Variants in ANKRD36C observed in about 807,000 individuals in gnomAD.
ANKRD36C encodes ankyrin repeat domain-containing protein 36C.
A neutral mutation model predicts 276.4 loss-of-function variants in ANKRD36C; 61 were observed. That is an observed-to-expected ratio of 0.22 (90% confidence interval 0.18 to 0.27). The LOEUF (loss-of-function observed/expected upper bound fraction) is 0.27. Among genes scored for constraint, ANKRD36C ranks in the 10% least tolerant of loss-of-function variants. The pLI, the probability that ANKRD36C is intolerant of heterozygous loss-of-function variation, is 1.00. For missense variants in ANKRD36C, 1,447 were observed against 2,032.3 expected (o/e 0.71, Z 5.54); for synonymous variants, 483 against 680.1 (o/e 0.71, Z 4.51).
intron 30 of ANKRD36C, among the ~76,000 whole-genome samples, chr2:95,924,366 T>A (rs573394823): frequency 6.6e-6 from 1 of 151,584 alleles, no homozygotes; most frequent in Non-Finnish European, 1.5e-5. Flanking sequence ...TATATAAACC[T>A]CATCAAAAAG....
At chr2:95,935,337 T>C (rs1677685819) in intron 24 of ANKRD36C, 117 bp downstream of exon 24, 1 of 1,114,684 alleles carries the variant, frequency 9.0e-7, no homozygotes, top group Non-Finnish European at 1.2e-6. Flanking sequence ...ATCAGCATCA[T>C]TTAGATCAAA....
chr2:95,889,073 T>C (rs1184926379), intron 48 of ANKRD36C, among the ~76,000 whole-genome samples: 3 of 151,584 alleles, frequency 2.0e-5, no homozygotes, highest in Non-Finnish European at 4.4e-5. Context: ...TATTCGTTTA[T>C]CTCAGTTTTA....
chr2:95,986,198 T>A, intron 3 of ANKRD36C, among the ~76,000 whole-genome samples: 1 of 152,010 alleles, frequency 6.6e-6, no homozygotes, highest in Non-Finnish European at 1.5e-5. Flanking sequence ...GTATTTTCCC[T>A]CATTACCTAA....
At chr2:95,938,661 T>G in intron 22 of ANKRD36C, among the ~76,000 whole-genome samples, 168 bp downstream of exon 22, 1 of 152,312 alleles carries the variant, frequency 6.6e-6, no homozygotes, top group Non-Finnish European at 1.5e-5. Flanking sequence ...ATGTCCGCCT[T>G]ATGCCTTAAA....
chr2:95,944,153 A>G (rs2104469856), intron 19 of ANKRD36C, among the ~76,000 whole-genome samples: 1 of 152,292 alleles, frequency 6.6e-6, no homozygotes, highest in Admixed American at 6.5e-5. Context: ...CTATAATATG[A>G]TATGGAGACA....
chr2:95,947,889 G>A (rs1678095887), intron 17 of ANKRD36C, among the ~76,000 whole-genome samples: 1 of 152,116 alleles, frequency 6.6e-6, no homozygotes, highest in Admixed American at 6.6e-5. Flanking sequence ...CTGGGATTAA[G>A]AAATTCTCCT....
chr2:95,855,752 C>G, exon 63 of ANKRD36C: 1 of 1,613,788 alleles, frequency 6.2e-7, no homozygotes, highest in Non-Finnish European at 8.5e-7. Context: ...TCAAATTTTC[C>G]TGTAAATGAC....
intron 50 of ANKRD36C, among the ~76,000 whole-genome samples, chr2:95,886,844 C>A (rs1676213992): frequency 6.6e-6 from 1 of 151,586 alleles, no homozygotes; most frequent in Non-Finnish European, 1.5e-5. Context: ...AATAATTTGC[C>A]TAAGCTTCTT....
rs535367156 is a variant in ANKRD36C at position 95,946,246 on chromosome 2, T to C, written c.1363-1072A>G. Among the ~76,000 whole-genome samples the C allele has an allele frequency of 3.1e-3, 476 of 151,552 alleles. 3 individuals are homozygous for C. The highest frequency in any genetic ancestry group is 5.0e-3 in the Non-Finnish European group (337 of 67,916). On this transcript the variant is annotated intron_variant, in intron 17 of 66. Coordinates refer to ENST00000456556, the Ensembl canonical transcript of ANKRD36C. ...ATTCAGAATTCGAAAGAGTAATGTA[T>C]GTCCTTGAACAGACACTTCTCAAAA... is the stretch of plus-strand genomic sequence containing the variant.
chr2:95,923,689 A>C, exon 31 of ANKRD36C: 1 of 1,610,414 alleles, frequency 6.2e-7, no homozygotes, highest in Non-Finnish European at 8.5e-7. Flanking sequence ...CTGAGAAGAC[A>C]CTGAAAAGCA....
In ANKRD36C at chr2:95,887,910, G is replaced by A; in HGVS notation, c.3061+15C>T. On this transcript the variant is annotated intron_variant, in intron 50 of 66. Transcript: ENST00000456556. ...CTGGACTGAACATGACATTAAATGT[G>A]TTTTGTGAAATTACCTGTTCCAGAT... 3 of 1,574,088 alleles carry A rather than the reference G, an allele frequency of 1.9e-6. No individual in the cohort carries two copies. Among genetic ancestry groups the A allele is most frequent in the Non-Finnish European group, 2.6e-6 (3 of 1,158,788 alleles).
Position 95,864,189 on chromosome 2 carries a change from G to A in ANKRD36C, c.3682+3251C>T, listed in dbSNP as rs117021231. On this transcript the variant is annotated intron_variant, in intron 60 of 66. Transcript: ENST00000456556. ...AATGAGACTTTAGTAAATTGTATCC[G>A]ACAGTATAATGAAAAGGTAATACAT... Among the ~76,000 whole-genome samples, 244 of 152,110 alleles carry A rather than the reference G, an allele frequency of 1.6e-3. 2 individuals are homozygous for A. The East Asian group carries it at 0.026, about 16-fold the overall frequency.
rs1676249791 is a variant in ANKRD36C, at chr2:95,888,233, T to G, written c.2960-113A>C. The stretch of plus-strand genomic sequence containing the variant: ...TCTTCCTGCCTGTATTAGTATAGGC[T>G]TTGATGTTTTCTACTTTGTGACTGG... On this transcript the variant is annotated intron_variant, in intron 48 of 66. Transcript: ENST00000456556. 11 of 1,536,384 alleles carry G rather than the reference T, an allele frequency of 7.2e-6. No homozygotes were observed. In the East Asian group the frequency reaches 2.6e-4, roughly 36 times the overall value.
chr2:95,855,329 C>T, exon 63 of ANKRD36C: 1 of 1,609,942 alleles, frequency 6.2e-7, no homozygotes, highest in Non-Finnish European at 8.5e-7. Flanking sequence ...TCAATTCATT[C>T]ACCAACATTT....
chr2:95,874,304 C>T (rs532459626), intron 59 of ANKRD36C, among the ~76,000 whole-genome samples: 13 of 152,306 alleles, frequency 8.5e-5, no homozygotes, highest in African/African-American at 2.6e-4. Flanking sequence ...GTAACCAAAA[C>T]AGCATGGTAC....
In ANKRD36C at chr2:95,882,500, G is replaced by A; in HGVS notation, c.3266-3C>T. On this transcript the variant is annotated splice_polypyrimidine_tract_variant and splice_region_variant and intron_variant, in intron 54 of 66. Transcript: ENST00000456556. ...GGCCGATTGTTTCTGAGGAGACACT[G>A]AAAAGTAAAAGAAATATATAATCCA... is the stretch of plus-strand genomic sequence containing the variant. The A allele has an allele frequency of 6.4e-7, 1 of 1,550,768 alleles. No homozygotes were observed. Among genetic ancestry groups the A allele is most frequent in the Non-Finnish European group, 8.7e-7 (1 of 1,148,498 alleles).
In ANKRD36C at chr2:95,857,344, C is replaced by A. The variant is rs549887163; in HGVS notation, c.4045G>T (p.Val1349Leu). ...TTATTTCCTCCTGTCTTCAATTCCA[C>A]CTCTGCTGATTTGAGAGCCGGTTTA... Residue 1349 changes from valine to leucine, a missense_variant, in exon 62 of 67, where the codon GTG becomes TTG. Physicochemically the swap from Val to Leu is conservative, Grantham distance 32. This residue lies in a region of ANKRD36C where 437 missense variants were observed against 641.0 expected (regional missense o/e 0.68). Transcript: ENST00000456556. 3.7e-5 allele frequency: 59 copies of A among 1,600,804 alleles called. No homozygotes were observed. In the African/African-American group the frequency reaches 7.6e-4, roughly 21 times the overall value.
At chr2:95,918,275 G>A (rs1430657107) in intron 34 of ANKRD36C, among the ~76,000 whole-genome samples, 3 of 151,516 alleles carry the variant, frequency 2.0e-5, no homozygotes, top group South Asian at 2.1e-4. Flanking sequence ...TTCGTCATAC[G>A]TCGAAAACTA....
At position 95,956,608 on chromosome 2, in the gene ANKRD36C, T is replaced by TA. The variant is rs547305844; in HGVS notation, c.1136+177dup. Among the ~76,000 whole-genome samples, 577 of 151,008 alleles carry TA rather than the reference T, an allele frequency of 3.8e-3. 3 individuals carry two copies. The highest frequency in any genetic ancestry group is 0.031 in the Middle Eastern group (9 of 292). ...CTTTAAAGCAGAGTTGCCTAATTAG[T>TA]AAAAAAGCAATAATAGCACAAATAG... On this transcript the variant is annotated intron_variant, in intron 13 of 66. Coordinates refer to ENST00000456556, the Ensembl canonical transcript of ANKRD36C.
Sources: gnomAD v4.1 joint callset for allele counts (sites outside exome capture counted in the v4.1 genomes callset) on GRCh38, gnomAD v4.1.1 for gene constraint, gnomAD v4.1.1 regional missense constraint, MANE v1.5 for transcripts, NCBI Gene and HGNC (gene_info 2026-07-23, HGNC 2026-07-21) for gene names.